Variants in RARB observed in about 807,000 individuals in gnomAD.
The protein encoded by RARB is retinoic acid receptor beta, also known as HBV-activated protein.
Under a neutral mutation model 51.9 loss-of-function variants are expected in RARB, and 17 were observed. That is an observed-to-expected ratio of 0.33 (90% confidence interval 0.22 to 0.49). The LOEUF (loss-of-function observed/expected upper bound fraction) is 0.49, where lower values mean the gene tolerates loss of function less well. RARB is among the 20% of genes least tolerant of loss of function. RARB has a pLI of 0.99. For synonymous variants in RARB, 215 were observed against 195.4 expected (o/e 1.10, Z -0.84); for missense variants, 369 against 550.8 (o/e 0.67, Z 3.30).
intron 3 of RARB, among the ~76,000 whole-genome samples, chr3:25,508,008 C>G (rs1252683906): frequency 6.6e-6 from 1 of 152,146 alleles, no homozygotes; most frequent in Non-Finnish European, 1.5e-5. Context: ...CAGGGAGCCT[C>G]TTTGTATTGC....
At chr3:25,032,221 G>T (rs138514634) in intron 2 of RARB, among the ~76,000 whole-genome samples, 16 of 152,296 alleles carry the variant, frequency 1.1e-4, no homozygotes, top group African/African-American at 2.6e-4. Context: ...AAAGACATCC[G>T]CAATCAGTGA....
intron 2 of RARB, among the ~76,000 whole-genome samples, chr3:25,050,096 C>T (rs970870315): frequency 6.6e-6 from 1 of 152,060 alleles, no homozygotes; most frequent in East Asian, 1.9e-4. Context: ...ATTTTGGAAA[C>T]GTGGAAAAGC....
At chr3:25,363,890 C>A (rs147885755) in intron 5 of RARB, among the ~76,000 whole-genome samples, 247 of 152,284 alleles carry the variant, frequency 1.6e-3, no homozygotes, top group African/African-American at 5.8e-3. Context: ...TCTTACATGA[C>A]AGTAGACTCC....
intron 3 of RARB, among the ~76,000 whole-genome samples, chr3:25,085,140 C>CTGAA (rs1246334464): frequency 6.6e-6 from 1 of 152,116 alleles, no homozygotes; most frequent in Non-Finnish European, 1.5e-5. Context: ...GATGTGCCAC[C>CTGAA]TGAAGTTCAA....
intron 5 of RARB, among the ~76,000 whole-genome samples, chr3:25,287,957 G>A (rs1043376080): frequency 3.3e-5 from 5 of 151,952 alleles, no homozygotes; most frequent in African/African-American, 1.2e-4. Context: ...ATTATAAAGG[G>A]GAGGAGTGGA....
chr3:25,105,207 C>G (rs761725480), intron 3 of RARB, among the ~76,000 whole-genome samples: 85 of 149,374 alleles, frequency 5.7e-4, no homozygotes, highest in Admixed American at 4.7e-4. Flanking sequence ...TACAAATATC[C>G]TGAATCCCCA....
intron 3 of RARB, among the ~76,000 whole-genome samples, chr3:25,508,295 A>C (rs1055522775): frequency 1.4e-4 from 22 of 152,320 alleles, no homozygotes; most frequent in African/African-American, 5.1e-4. Flanking sequence ...GAACGTCCCC[A>C]TGGGTCGATT....
chr3:25,165,091 T>G lies in RARB; in HGVS notation c.-279-9028T>G, dbSNP rs78550012. The stretch of plus-strand genomic sequence containing the variant: ...GCCTAGAGAGATAATTTGGGAGTTT[T>G]TTTTAAGAAAGAAGAAAGAAAAAAA... On this transcript the variant is annotated intron_variant, in intron 4 of 11. Transcript: ENST00000383772. Among the ~76,000 whole-genome samples, 333 of 152,222 alleles carry G rather than the reference T, an allele frequency of 2.2e-3. 2 individuals carry two copies. The highest frequency in any genetic ancestry group is 0.021 in the East Asian group (108 of 5,174).
At chr3:25,031,063 T>A (rs1471034106) in intron 2 of RARB, among the ~76,000 whole-genome samples, 1 of 152,166 alleles carries the variant, frequency 6.6e-6, no homozygotes, top group Non-Finnish European at 1.5e-5. Context: ...GGGCATGATA[T>A]GTTTTGTTGC....
intron 1 of RARB, among the ~76,000 whole-genome samples, chr3:24,838,246 G>A (rs1479547673): frequency 6.6e-6 from 1 of 152,116 alleles, no homozygotes; most frequent in Non-Finnish European, 1.5e-5. Context: ...TGCAGCCAGA[G>A]AAATTTCTCA....
chr3:25,163,246 A>G (rs964890464), intron 4 of RARB, among the ~76,000 whole-genome samples: 10 of 152,126 alleles, frequency 6.6e-5, no homozygotes, highest in African/African-American at 1.7e-4. Context: ...GCTCACGCCT[A>G]TGATCCCGGC....
At chr3:25,155,184 TG>T (rs1431591244) in intron 4 of RARB, among the ~76,000 whole-genome samples, 6 of 152,222 alleles carry the variant, frequency 3.9e-5, no homozygotes, top group Non-Finnish European at 8.8e-5. Flanking sequence ...TTCTTTTTTT[TG>T]TATTTTTTAG....
intron 2 of RARB, among the ~76,000 whole-genome samples, chr3:25,017,584 GT>G (rs1193639024): frequency 1.3e-5 from 2 of 152,040 alleles, no homozygotes; most frequent in Non-Finnish European, 2.9e-5. Flanking sequence ...AAATACCTTT[GT>G]GTTTAATGAA....
intron 2 of RARB, among the ~76,000 whole-genome samples, chr3:24,905,653 T>C (rs1380908005): frequency 6.6e-6 from 1 of 152,224 alleles, no homozygotes; most frequent in Non-Finnish European, 1.5e-5. Flanking sequence ...TCTTCCCACC[T>C]GCTTAAAGAA....
At chr3:24,900,019 C>G (rs948061777) in intron 2 of RARB, among the ~76,000 whole-genome samples, 1 of 152,062 alleles carries the variant, frequency 6.6e-6, no homozygotes, top group Non-Finnish European at 1.5e-5. Flanking sequence ...GGACAGCAAC[C>G]ATAATAAATT....
intron 3 of RARB, chr3:25,555,397 T>C (rs1700017351): frequency 6.6e-6 from 1 of 152,178 alleles, no homozygotes; most frequent in African/African-American, 2.4e-5. Flanking sequence ...TGTCATTATA[T>C]TGGATATGCA....
intron 4 of RARB, among the ~76,000 whole-genome samples, chr3:25,146,498 TGTTTGTTTG>T (rs1700192914): frequency 1.6e-5 from 2 of 125,120 alleles, no homozygotes; most frequent in South Asian, 2.4e-4. Context: ...CTAAGTTTTT[TGTTTGTTTG>T]TTTGTTTTTT....
chr3:25,247,070 C>T (rs1172716559), intron 5 of RARB, among the ~76,000 whole-genome samples: 1 of 152,218 alleles, frequency 6.6e-6, no homozygotes, highest in South Asian at 2.1e-4. Context: ...CTTTGTGGAG[C>T]TGCAGTGGGC....
chr3:25,272,305 G>T (rs1226832648), intron 5 of RARB, among the ~76,000 whole-genome samples: 2 of 152,236 alleles, frequency 1.3e-5, no homozygotes, highest in Non-Finnish European at 2.9e-5. Flanking sequence ...AGGGCTGGTA[G>T]ATATGCCATG....
Sources: allele counts gnomAD v4.1 joint callset (sites outside exome capture counted in the v4.1 genomes callset), GRCh38; gene constraint gnomAD v4.1.1; transcripts MANE v1.5; gene names NCBI Gene and HGNC (gene_info 2026-07-23, HGNC 2026-07-21).